The following PTPRD variants were observed in gnomAD, a reference collection of about 807,000 sequenced individuals.
The protein encoded by PTPRD is receptor-type tyrosine-protein phosphatase delta.
In PTPRD, 34 loss-of-function variants were observed where a neutral mutation model predicts 214.5. The observed-to-expected ratio is 0.16, with a 90% CI of 0.12 to 0.21. The LOEUF is 0.21. Among genes scored for constraint, PTPRD ranks in the 10% least tolerant of loss-of-function variants. The probability of loss-of-function intolerance (pLI) is 1.00; values close to 1 mark genes in which losing one functional copy is unlikely to be tolerated. For missense variants in PTPRD, 2,545 were observed against 2,398.7 expected (o/e 1.06, Z -1.27); for synonymous variants, 1,128 against 845.7 (o/e 1.33, Z -5.79).
Position 8,326,420 on chromosome 9 carries a change from C to T in PTPRD, c.5534+5162G>A, listed in dbSNP as rs547681294. ...AAGCCTTGCATCCCAGGGATGAAGCCGACTTGATCGTGGTGGATAAGCTTT... is the reference window on the plus strand; with the variant it reads ...AAGCCTTGCATCCCAGGGATGAAGCTGACTTGATCGTGGTGGATAAGCTTT... On this transcript the variant is annotated intron_variant, in intron 44 of 45. Coordinates refer to ENST00000381196, the MANE Select transcript of PTPRD (RefSeq NM_002839.4). 1.4e-4 allele frequency among the ~76,000 whole-genome samples: 22 copies of T among 152,018 alleles called. No individual in the cohort carries two copies. In the East Asian group the frequency reaches 1.9e-3, roughly 13 times the overall value.
chr9:9,933,233 A>C (rs1221537130), intron 5 of PTPRD, among the ~76,000 whole-genome samples: 1 of 152,262 alleles, frequency 6.6e-6, no homozygotes, highest in South Asian at 2.1e-4. Context: ...AACAATATTA[A>C]CTTTAAATGT....
At position 9,598,409 on chromosome 9, in the gene PTPRD, C is replaced by G. The variant is rs772974265; in HGVS notation, c.-286-23628G>C. Reference sequence around the variant, plus strand: ...TTTACTATTCTCTCTATCCTGAGCTCATTATTCTTGGAAACCATTGCCCTA... The same window carrying G: ...TTTACTATTCTCTCTATCCTGAGCTGATTATTCTTGGAAACCATTGCCCTA... On this transcript the variant is annotated intron_variant, in intron 7 of 45. Transcript: ENST00000381196. Among the ~76,000 whole-genome samples the G allele has an allele frequency of 1.2e-4, 18 of 152,002 alleles. No individual in the cohort carries two copies. The Middle Eastern group carries it at 0.01, about 86-fold the overall frequency.
At chr9:9,625,080 G>C (rs2095376059) in intron 7 of PTPRD, among the ~76,000 whole-genome samples, 1 of 152,118 alleles carries the variant, frequency 6.6e-6, no homozygotes, top group Non-Finnish European at 1.5e-5. Flanking sequence ...GCCTAGACAG[G>C]GAAATCAAAT....
At chr9:10,512,600 T>C (rs151273149) in intron 2 of PTPRD, among the ~76,000 whole-genome samples, 1 of 152,260 alleles carries the variant, frequency 6.6e-6, no homozygotes, top group East Asian at 1.9e-4. Context: ...AGTACCTTCA[T>C]TTCTCATGGT....
At chr9:8,791,468 C>T (rs979853581) in intron 11 of PTPRD, among the ~76,000 whole-genome samples, 1 of 151,522 alleles carries the variant, frequency 6.6e-6, no homozygotes, top group African/African-American at 2.4e-5. Flanking sequence ...TCACGATCTG[C>T]CCACCTTGGC....
chr9:9,624,904 T>C (rs549466805), intron 7 of PTPRD, among the ~76,000 whole-genome samples: 25 of 152,092 alleles, frequency 1.6e-4, no homozygotes, highest in African/African-American at 6.0e-4. Flanking sequence ...CAGTGTGGCC[T>C]TGGGTTACTT....
At chr9:9,935,028 C>A (rs1179729850) in intron 5 of PTPRD, among the ~76,000 whole-genome samples, 2 of 151,974 alleles carry the variant, frequency 1.3e-5, no homozygotes, top group Admixed American at 1.3e-4. Context: ...ATTCAACAAC[C>A]ATTCATGCTA....
At chr9:9,431,543 C>G (rs974765104) in intron 8 of PTPRD, among the ~76,000 whole-genome samples, 47 of 152,252 alleles carry the variant, frequency 3.1e-4, no homozygotes, top group African/African-American at 1.1e-3. Context: ...ACCCAGCCAT[C>G]TCATTACTGG....
chr9:9,255,133 G>T (rs745843660), intron 9 of PTPRD, among the ~76,000 whole-genome samples: 2 of 152,030 alleles, frequency 1.3e-5, no homozygotes, highest in African/African-American at 2.4e-5. Context: ...TGTGCAAACA[G>T]ACCCAGAAGA....
chr9:9,772,751 G>T (rs2098762904), intron 5 of PTPRD, among the ~76,000 whole-genome samples: 1 of 146,212 alleles, frequency 6.8e-6, no homozygotes. Context: ...GAGCAGGTGT[G>T]ATAAAATTGC....
At chr9:9,923,184 T>C (rs991024078) in intron 5 of PTPRD, among the ~76,000 whole-genome samples, 1 of 150,374 alleles carries the variant, frequency 6.7e-6, no homozygotes, top group African/African-American at 2.5e-5. Flanking sequence ...AGACAAATGT[T>C]AACTCTACAG....
At chr9:8,380,719 GGAGCTGA>G (rs1048518152) in intron 37 of PTPRD, among the ~76,000 whole-genome samples, 103 of 152,200 alleles carry the variant, frequency 6.8e-4, no homozygotes, top group African/African-American at 2.4e-3. Flanking sequence ...ATATCTGGTA[GGAGCTGA>G]TCCATTAGGT....
intron 7 of PTPRD, among the ~76,000 whole-genome samples, chr9:9,667,585 C>A (rs1200174585): frequency 1.3e-5 from 2 of 152,118 alleles, no homozygotes; most frequent in Admixed American, 6.6e-5. Flanking sequence ...AAAGTGAATT[C>A]ATTTAAGCAC....
At chr9:10,042,164 C>A in intron 3 of PTPRD, among the ~76,000 whole-genome samples, 1 of 151,956 alleles carries the variant, frequency 6.6e-6, no homozygotes, top group East Asian at 1.9e-4. Context: ...GCCCTGTAGG[C>A]ATATAAAAGA....
At chr9:8,746,523 G>A (rs760604832) in intron 11 of PTPRD, among the ~76,000 whole-genome samples, 35 of 152,072 alleles carry the variant, frequency 2.3e-4, no homozygotes, top group Non-Finnish European at 4.6e-4. Flanking sequence ...ATAAAATACT[G>A]AAACAAAATA....
At chr9:9,922,870 A>G (rs1322171845) in intron 5 of PTPRD, among the ~76,000 whole-genome samples, 1 of 152,012 alleles carries the variant, frequency 6.6e-6, no homozygotes, top group Non-Finnish European at 1.5e-5. Context: ...TAATTGCAAT[A>G]CATGATTCTA....
chr9:9,806,843 G>C (rs1302658262), intron 5 of PTPRD, among the ~76,000 whole-genome samples: 1 of 151,952 alleles, frequency 6.6e-6, no homozygotes, highest in Middle Eastern at 3.2e-3. Flanking sequence ...CACTGAACAG[G>C]TAAGAGAAAA....
At chr9:10,094,636 G>C (rs1367828113) in intron 3 of PTPRD, among the ~76,000 whole-genome samples, 2 of 149,480 alleles carry the variant, frequency 1.3e-5, no homozygotes, top group African/African-American at 4.9e-5. Flanking sequence ...CTGTCATATG[G>C]AGACATAGCA....
Position 10,377,561 on chromosome 9 carries a change from A to G in PTPRD, c.-599-36544T>C, listed in dbSNP as rs147369822. On this transcript the variant is annotated intron_variant, in intron 2 of 45. Coordinates refer to ENST00000381196, the MANE Select transcript of PTPRD (RefSeq NM_002839.4). The stretch of plus-strand genomic sequence containing the variant: ...CGATGTTTGTTTTTTTTGTCCTTGC[A>G]ATAGTTTGCTGAGAATGGTGGTTTC... Among the ~76,000 whole-genome samples, 797 of 151,804 alleles carry G rather than the reference A, an allele frequency of 5.3e-3. 22 individuals are homozygous for G. Among genetic ancestry groups the G allele is most frequent in the Admixed American group, 0.044 (672 of 15,220 alleles).
Sources: allele counts gnomAD v4.1 joint callset (sites outside exome capture counted in the v4.1 genomes callset), GRCh38; gene constraint gnomAD v4.1.1; transcripts MANE v1.5; gene names NCBI Gene and HGNC (gene_info 2026-07-23, HGNC 2026-07-21).